Variants in SNX29 observed in about 807,000 individuals in gnomAD.
SNX29 encodes sorting nexin-29.
Under a neutral mutation model 102.1 loss-of-function variants are expected in SNX29, and 78 were observed. The ratio of observed to expected loss-of-function variants is 0.76; its 90% CI spans 0.64 to 0.92. The LOEUF (loss-of-function observed/expected upper bound fraction) is 0.92. SNX29 is among the 40% of genes least tolerant of loss of function. SNX29 has a pLI of 0.00. For missense variants in SNX29, 1,280 were observed against 1,061.7 expected, an observed-to-expected ratio of 1.21 and a Z score of -2.86; for synonymous variants, 580 against 414.5, an observed-to-expected ratio of 1.40 and a Z score of -4.85.
chr16:12,285,738 A>G (rs1034474635), intron 15 of SNX29, among the ~76,000 whole-genome samples: 2 of 152,236 alleles, frequency 1.3e-5, no homozygotes, highest in Admixed American at 6.5e-5. Flanking sequence ...TAAGAGCAGC[A>G]TGGGCTTTTC....
chr16:12,526,584 A>G (rs2076789233), intron 20 of SNX29: 1 of 531,020 alleles, frequency 1.9e-6, no homozygotes, highest in Admixed American at 2.2e-5. Flanking sequence ...TGGCCGCGAT[A>G]GTTCACGTGA....
At chr16:11,981,432 G>A (rs1203843206) in intron 1 of SNX29, among the ~76,000 whole-genome samples, 1 of 151,990 alleles carries the variant, frequency 6.6e-6, no homozygotes, top group Non-Finnish European at 1.5e-5. Flanking sequence ...GGTGTTTTTT[G>A]AAGCAGTCTT....
chr16:11,994,903 A>G (rs1203677881), intron 1 of SNX29, among the ~76,000 whole-genome samples: 1 of 152,130 alleles, frequency 6.6e-6, no homozygotes, highest in Non-Finnish European at 1.5e-5. Context: ...ACCAGTGGCC[A>G]GACAAGGGAA....
intron 13 of SNX29, chr16:12,135,676 G>A: frequency 8.1e-7 from 1 of 1,230,706 alleles, no homozygotes; most frequent in African/African-American, 1.5e-5. Flanking sequence ...AGTCTTTCCT[G>A]AAGCTGTGTT....
chr16:12,541,910 C>T (rs543753852), intron 20 of SNX29, among the ~76,000 whole-genome samples: 1 of 152,172 alleles, frequency 6.6e-6, no homozygotes, highest in African/African-American at 2.4e-5. Flanking sequence ...CAGATGTTTT[C>T]CACTGATTGC....
At chr16:12,529,681 C>A (rs2076880325) in intron 20 of SNX29, among the ~76,000 whole-genome samples, 1 of 152,088 alleles carries the variant, frequency 6.6e-6, no homozygotes, top group Admixed American at 6.6e-5. Context: ...CCGCCGCCGC[C>A]CCCATTTGCT....
At chr16:12,263,528 C>T (rs995490058) in intron 14 of SNX29, among the ~76,000 whole-genome samples, 2 of 152,214 alleles carry the variant, frequency 1.3e-5, no homozygotes, top group Non-Finnish European at 2.9e-5. Flanking sequence ...GGGATTTATA[C>T]TCTATCCCTA....
chr16:12,337,373 G>T (rs996022981), intron 15 of SNX29, among the ~76,000 whole-genome samples: 1 of 152,040 alleles, frequency 6.6e-6, no homozygotes, highest in African/African-American at 2.4e-5. Context: ...ACAGGGTCTT[G>T]CTGTGCTACC....
At chr16:12,050,742 C>T (rs147700908) in intron 7 of SNX29, among the ~76,000 whole-genome samples, 4,669 of 152,086 alleles carry the variant, frequency 0.031, 90 homozygotes, top group Non-Finnish European at 0.046. Context: ...GAAAGAGTCT[C>T]GCTCTGTCAC....
intron 11 of SNX29, among the ~76,000 whole-genome samples, chr16:12,107,138 C>T (rs899327635): frequency 6.6e-6 from 1 of 152,292 alleles, no homozygotes; most frequent in South Asian, 2.1e-4. Flanking sequence ...TCCTATTAAC[C>T]TCACCTTGGC....
At chr16:12,107,214 G>C in intron 11 of SNX29, among the ~76,000 whole-genome samples, 1 of 152,176 alleles carries the variant, frequency 6.6e-6, no homozygotes, top group East Asian at 1.9e-4. Context: ...TTTATTCTGA[G>C]TGGTCACCTG....
intron 15 of SNX29, among the ~76,000 whole-genome samples, chr16:12,281,853 T>G: frequency 6.6e-6 from 1 of 151,962 alleles, no homozygotes; most frequent in Non-Finnish European, 1.5e-5. Flanking sequence ...GGTGGATCAC[T>G]TCAGACTAGG....
Position 12,505,500 on chromosome 16 carries a change from T to TA in SNX29, c.2179-19195dup, listed in dbSNP as rs1195389719. Among the ~76,000 whole-genome samples, 14 of 152,266 alleles carry TA rather than the reference T, an allele frequency of 9.2e-5. No individual in the cohort carries two copies. The East Asian group carries it at 1.7e-3, about 19-fold the overall frequency. Reference sequence around the variant, plus strand: ...AACATCCTTATGCCAGTTCCTTTTTTAAAAAAACAAATCTTATTTTGTATA... The same window carrying TA: ...AACATCCTTATGCCAGTTCCTTTTTTAAAAAAAACAAATCTTATTTTGTATA... On this transcript the variant is annotated intron_variant, in intron 19 of 20. Coordinates refer to ENST00000566228, the MANE Select transcript of SNX29 (RefSeq NM_032167.5).
chr16:12,122,158 G>A (rs1476604967), intron 11 of SNX29, among the ~76,000 whole-genome samples: 2 of 152,214 alleles, frequency 1.3e-5, no homozygotes, highest in East Asian at 3.9e-4. Flanking sequence ...CTTGGCTTTC[G>A]GCAAGTCACT....
chr16:12,023,579 A>G (rs75637671), intron 3 of SNX29, among the ~76,000 whole-genome samples: 1 of 147,824 alleles, frequency 6.8e-6, no homozygotes. Context: ...CCCTGTCTCA[A>G]AAAAAAAAAA....
intron 15 of SNX29, among the ~76,000 whole-genome samples, chr16:12,297,043 G>A (rs1019339534): frequency 6.6e-6 from 1 of 152,216 alleles, no homozygotes; most frequent in Non-Finnish European, 1.5e-5. Flanking sequence ...ATGGCCACAT[G>A]TCTCTGGGAT....
chr16:12,519,786 T>C (rs1389620143), intron 19 of SNX29, among the ~76,000 whole-genome samples: 6 of 152,072 alleles, frequency 3.9e-5, no homozygotes. Flanking sequence ...GGCAGGAGTA[T>C]CACCTGAGGG....
At chr16:12,400,201 C>T (rs1462270564) in intron 17 of SNX29, among the ~76,000 whole-genome samples, 1 of 152,186 alleles carries the variant, frequency 6.6e-6, no homozygotes. Context: ...CTTTGTGGAG[C>T]TTACGAAGAA....
At chr16:12,137,153 A>AT (rs1168240839) in intron 13 of SNX29, among the ~76,000 whole-genome samples, 2 of 152,104 alleles carry the variant, frequency 1.3e-5, no homozygotes, top group African/African-American at 2.4e-5. Context: ...TGTCTCTTGC[A>AT]TTTTTTCCTA....
Sources: allele counts gnomAD v4.1 joint callset (sites outside exome capture counted in the v4.1 genomes callset), GRCh38; gene constraint gnomAD v4.1.1; transcripts MANE v1.5; gene names NCBI Gene and HGNC (gene_info 2026-07-23, HGNC 2026-07-21).